Variants in ATAD2B observed in about 807,000 individuals in gnomAD.
ATAD2B encodes ATPase family AAA domain containing 2B, also known as ATPase family AAA domain-containing protein 2B.
Under a neutral mutation model 167.6 loss-of-function variants are expected in ATAD2B, and 40 were observed. The ratio of observed to expected loss-of-function variants is 0.24; its 90% CI spans 0.19 to 0.31. The LOEUF (loss-of-function observed/expected upper bound fraction) is 0.31, where lower values mean the gene tolerates loss of function less well. Ranked by LOEUF, ATAD2B falls within the 10% of genes least tolerant of loss-of-function variation. The pLI is 1.00. For synonymous variants in ATAD2B, 579 were observed against 596.5 expected (o/e 0.97, Z 0.43); for missense variants, 1,242 against 1,757.2 (o/e 0.71, Z 5.24).
At chr2:23,919,861 A>AT (rs34157701) in intron 1 of ATAD2B, among the ~76,000 whole-genome samples, 3 of 143,412 alleles carry the variant, frequency 2.1e-5, no homozygotes, top group African/African-American at 7.9e-5. Context: ...AAAAAAAAAA[A>AT]GTAATTAGGC....
chr2:23,765,616 C>G lies in ATAD2B; in HGVS notation c.3146G>C (p.Arg1049Thr), dbSNP rs1206353895. The G allele has an allele frequency of 7.0e-7, 1 of 1,425,244 alleles. No individual in the cohort carries two copies. The highest frequency in any genetic ancestry group is 9.3e-7 in the Non-Finnish European group (1 of 1,078,332). The allele number at this position is 1,425,244 out of a possible 1,614,324, so 88.3% of individuals were successfully genotyped here. Reference protein sequence around the residue: ...PDKDPGDKIIRHRACTLKDTA... With the variant: ...PDKDPGDKIITHRACTLKDTA... ...GTCCTTCAGGGTACAAGCCCTGTGC[C>G]TAATTATTTTATCTGTTAAAAAAGT... The change falls in exon 23 of 28, where the codon AGG (arginine) becomes ACG (threonine). Residue 1049 changes from arginine to threonine, a missense_variant. Coordinates refer to ENST00000238789, the MANE Select transcript of ATAD2B (RefSeq NM_017552.4).
At position 23,887,994 on chromosome 2, in the gene ATAD2B, A is replaced by G; in HGVS notation, c.419-9T>C. ...GGGATGGCTTCGAAGGGCTACAAGAAGAGAGATATTTACATTTCAAAGTAC... is the reference window on the plus strand; with the variant it reads ...GGGATGGCTTCGAAGGGCTACAAGAGGAGAGATATTTACATTTCAAAGTAC... On this transcript the variant is annotated splice_polypyrimidine_tract_variant and intron_variant, in intron 3 of 27. Transcript: ENST00000238789. The G allele has an allele frequency of 6.5e-7, 1 of 1,549,388 alleles. No individual in the cohort carries two copies. Among genetic ancestry groups the G allele is most frequent in the Non-Finnish European group, 8.6e-7 (1 of 1,156,464 alleles).
At chr2:23,693,120 CAGGAAGGGGGCCTGCAGG>C in the ATAD2B span, 1 of 935,018 alleles carries the variant, frequency 1.1e-6, no homozygotes, top group Non-Finnish European at 1.5e-6. Flanking sequence ...TCCAGACACC[CAGGAAGGGGGCCTGCAGG>C]GACTCTGGAC....
At chr2:23,698,644 A>T in the ATAD2B span, among the ~76,000 whole-genome samples, 1 of 152,236 alleles carries the variant, frequency 6.6e-6, no homozygotes, top group South Asian at 2.1e-4. Flanking sequence ...CACAATAGAC[A>T]AACCTGTATT....
rs368265941 is a variant in ATAD2B at position 23,774,823 on chromosome 2, C to G, written c.3133+8046G>C. Among the ~76,000 whole-genome samples the G allele has an allele frequency of 4.2e-4, 64 of 152,294 alleles. 1 individual carries two copies. The highest frequency in any genetic ancestry group is 1.5e-3 in the African/African-American group (63 of 41,548). ...GCTGAGGCAGGAGAATCGCTTGAACCCGGGAGGCGGGGATTGCAGTGAGCT... is the reference window on the plus strand; with the variant it reads ...GCTGAGGCAGGAGAATCGCTTGAACGCGGGAGGCGGGGATTGCAGTGAGCT... On this transcript the variant is annotated intron_variant, in intron 22 of 27. Transcript: ENST00000238789.
At chr2:23,745,969 A>G (rs1674857382), downstream of ATAD2B, among the ~76,000 whole-genome samples, 2 of 152,184 alleles carry the variant, frequency 1.3e-5, no homozygotes, top group Non-Finnish European at 1.5e-5. Flanking sequence ...ATGACAGAGA[A>G]CTGCCTGTAC....
At chr2:23,780,267 TTGTGTG>T (rs67788174) in intron 22 of ATAD2B, among the ~76,000 whole-genome samples, 2,561 of 143,816 alleles carry the variant, frequency 0.018, 35 homozygotes, top group East Asian at 0.047. Context: ...AAGTATATAC[TTGTGTG>T]TGTGTGTGTG....
intron 13 of ATAD2B, among the ~76,000 whole-genome samples, chr2:23,840,814 C>T (rs1690772749): frequency 6.6e-6 from 1 of 152,136 alleles, no homozygotes; most frequent in South Asian, 2.1e-4. Context: ...CAGGATCTCT[C>T]CCACAATGAT....
chr2:23,742,718 T>C, the ATAD2B span, among the ~76,000 whole-genome samples: 1 of 151,636 alleles, frequency 6.6e-6, no homozygotes, highest in Non-Finnish European at 1.5e-5. Context: ...AAAATACAAA[T>C]TTTAAAAAGT....
chr2:23,882,845 AAAAT>A (rs985723329), intron 6 of ATAD2B, among the ~76,000 whole-genome samples: 1 of 151,986 alleles, frequency 6.6e-6, no homozygotes, highest in African/African-American at 2.4e-5. Context: ...AGATCTGATG[AAAAT>A]TAGTAAGCAT....
chr2:23,682,772 G>T, the ATAD2B span, among the ~76,000 whole-genome samples: 1 of 152,082 alleles, frequency 6.6e-6, no homozygotes, highest in African/African-American at 2.4e-5. The surrounding 1 kb of genome is among the most constrained non-coding windows in gnomAD (Gnocchi z 4.1). Flanking sequence ...CCGGGTCTGA[G>T]CTCACCCCAC....
chr2:23,723,113 G>A, the ATAD2B span, among the ~76,000 whole-genome samples: 58 of 152,226 alleles, frequency 3.8e-4, no homozygotes, highest in African/African-American at 1.2e-3. Flanking sequence ...GCAACATGGC[G>A]AAACCCCATC....
chr2:23,698,695 A>C, the ATAD2B span, among the ~76,000 whole-genome samples: 81,598 of 151,918 alleles, frequency 0.54, 22,650 homozygotes, highest in East Asian at 0.79. Flanking sequence ...TTTTATAGCA[A>C]TATATTGCAG....
At position 23,751,747 on chromosome 2, in the gene ATAD2B, C is replaced by T. The variant is rs1017048762; in HGVS notation, c.*299G>A. On this transcript the variant is annotated 3_prime_UTR_variant, in exon 28 of 28. Coordinates refer to ENST00000238789, the MANE Select transcript of ATAD2B (RefSeq NM_017552.4). ...AGAGGAGTCTCCAAAAGAGAGTGCA[C>T]AAAAAGAGGAGCAGAAGCGAGAGCA... 4 of 390,056 alleles carry T rather than the reference C, an allele frequency of 1.0e-5. No individual in the cohort carries two copies. Among genetic ancestry groups the T allele is most frequent in the Admixed American group, 4.6e-5 (1 of 21,892 alleles). 24.2% of individuals were successfully genotyped at this position (390,056 alleles called of 1,614,324 possible). A position where few individuals can be genotyped will look rare whatever the true frequency, so the allele number is the denominator to read the frequency against.
At chr2:23,854,679 A>AC (rs1172145038) in intron 13 of ATAD2B, among the ~76,000 whole-genome samples, 1 of 109,154 alleles carries the variant, frequency 9.2e-6, no homozygotes, top group African/African-American at 3.1e-5. Context: ...ACTTCGTCTC[A>AC]AAAAAAAAAA....
At chr2:23,852,876 G>T (rs905856761) in intron 13 of ATAD2B, among the ~76,000 whole-genome samples, 1 of 150,154 alleles carries the variant, frequency 6.7e-6, no homozygotes, top group Non-Finnish European at 1.5e-5. Context: ...CCGAGATCAC[G>T]CCATTGCACT....
rs34666567 is a variant in ATAD2B at position 23,904,537 on chromosome 2, C to CTTT, written c.217-8570_217-8568dup. Among the ~76,000 whole-genome samples the CTTT allele has an allele frequency of 2.6e-3, 362 of 137,668 alleles. 2 individuals carry two copies. Among genetic ancestry groups the CTTT allele is most frequent in the African/African-American group, 8.7e-3 (323 of 37,152 alleles). 90.3% of individuals were successfully genotyped at this position (137,668 alleles called of 152,430 possible). A position where few individuals can be genotyped will look rare whatever the true frequency, so the allele number is the denominator to read the frequency against. On this transcript the variant is annotated intron_variant, in intron 1 of 27. Transcript: ENST00000238789. Reference sequence around the variant, plus strand: ...GACTTGGAGGAAAGGATTTTCCTTCCTTTTTTTTTTTTTTTTTCTTTAAGA... The same window carrying CTTT: ...GACTTGGAGGAAAGGATTTTCCTTCCTTTTTTTTTTTTTTTTTTTTCTTTAAGA...
chr2:23,788,400 C>G, intron 20 of ATAD2B, 112 bp downstream of exon 20: 1 of 1,208,488 alleles, frequency 8.3e-7, no homozygotes, highest in Non-Finnish European at 1.2e-6. Context: ...TAAACAGAAC[C>G]TGACAAACTG....
At chr2:23,754,854 C>T (rs908407248) in intron 25 of ATAD2B, 80 bp from the exon 26 acceptor site, 387 of 1,392,380 alleles carry the variant, frequency 2.8e-4, no homozygotes, top group Non-Finnish European at 3.5e-4. Flanking sequence ...AATTCTTTTA[C>T]CTACCACACA....
Sources: allele counts gnomAD v4.1 joint callset (sites outside exome capture counted in the v4.1 genomes callset), GRCh38; gene constraint gnomAD v4.1.1; non-coding constraint Gnocchi (gnomAD v3.1); transcripts MANE v1.5; gene names NCBI Gene and HGNC (gene_info 2026-07-23, HGNC 2026-07-21).